PALLD: variants seen among roughly 807,000 people sequenced by gnomAD.
PALLD encodes the protein palladin, cytoskeletal associated protein.
A neutral mutation model predicts 123.5 loss-of-function variants in PALLD; 61 were observed. The ratio of observed to expected loss-of-function variants is 0.49; its 90% CI spans 0.40 to 0.61. The LOEUF (loss-of-function observed/expected upper bound fraction) is 0.61, where lower values mean the gene tolerates loss of function less well. Ranked by LOEUF, PALLD falls within the 20% of genes least tolerant of loss-of-function variation. The pLI is 0.00. For synonymous variants in PALLD, 465 were observed against 496.4 expected, an observed-to-expected ratio of 0.94 and a Z score of 0.84; for missense variants, 1,273 against 1,377.0, an observed-to-expected ratio of 0.92 and a Z score of 1.20.
chr4:168,506,908 G>T (rs1345848846), intron 1 of PALLD, among the ~76,000 whole-genome samples: 3 of 152,112 alleles, frequency 2.0e-5, no homozygotes, highest in Non-Finnish European at 4.4e-5. Context: ...TTCTTTCCCA[G>T]CTTCCACGAT....
Position 168,763,455 on chromosome 4 carries a change from C to G in PALLD, c.1964+51532C>G, listed in dbSNP as rs983019347. Among the ~76,000 whole-genome samples, 8 of 152,182 alleles carry G rather than the reference C, an allele frequency of 5.3e-5. 1 individual carries two copies. In the South Asian group the frequency reaches 1.7e-3, roughly 32 times the overall value. ...ACAGCCGTTCCACAGCCCCAAGCCT[C>G]ACATGGAGTAAGAGGTTGAGTAAGA... On this transcript the variant is annotated intron_variant, in intron 10 of 21. Coordinates refer to ENST00000505667, the MANE Select transcript of PALLD (RefSeq NM_001166108.2).
intron 2 of PALLD, among the ~76,000 whole-genome samples, chr4:168,526,204 G>A (rs969496151): frequency 5.9e-5 from 9 of 152,150 alleles, no homozygotes; most frequent in African/African-American, 1.7e-4. Context: ...AATTCGGAAC[G>A]TACTATTTGG....
chr4:168,809,334 CTTCTTCTTT>C (rs1561547479), intron 10 of PALLD, among the ~76,000 whole-genome samples: 1 of 68,588 alleles, frequency 1.5e-5, no homozygotes, highest in African/African-American at 4.2e-5. Context: ...TCTTCTTCTT[CTTCTTCTTT>C]TTTTTTTTGG....
chr4:168,823,291 G>C (rs182204815), intron 10 of PALLD, among the ~76,000 whole-genome samples: 12 of 152,260 alleles, frequency 7.9e-5, no homozygotes, highest in Admixed American at 7.2e-4. Context: ...TGGCCCCATC[G>C]ATTTTTACTG....
At position 168,667,357 on chromosome 4, in the gene PALLD, T is replaced by G. The variant is rs571958923; in HGVS notation, c.909-833T>G. Among the ~76,000 whole-genome samples, 805 of 109,674 alleles carry G rather than the reference T, an allele frequency of 7.3e-3. 12 individuals are homozygous for G. The highest frequency in any genetic ancestry group is 0.026 in the African/African-American group (739 of 28,506). The allele number at this position is 109,674 out of a possible 152,430, so 72.0% of individuals were successfully genotyped here. On this transcript the variant is annotated intron_variant, in intron 2 of 21. Transcript: ENST00000505667. The stretch of plus-strand genomic sequence containing the variant: ...TTCTAAGTGGCAGATTTCTACATAT[T>G]TCTTTAAAAATAAATCCCATTTGGG...
chr4:168,644,842 C>CCTATAT (rs1444831971), intron 2 of PALLD, among the ~76,000 whole-genome samples: 1 of 152,098 alleles, frequency 6.6e-6, no homozygotes, highest in African/African-American at 2.4e-5. Context: ...GTGGCTCACG[C>CCTATAT]CTATAATCCC....
intron 2 of PALLD, among the ~76,000 whole-genome samples, chr4:168,558,701 T>C (rs1767575691): frequency 6.6e-6 from 1 of 152,224 alleles, no homozygotes; most frequent in South Asian, 2.1e-4. Context: ...CCACCATGCT[T>C]GTGCTTCCAT....
At chr4:168,913,322 AGAG>A (rs1315456414) in intron 15 of PALLD, among the ~76,000 whole-genome samples, 2 of 151,938 alleles carry the variant, frequency 1.3e-5, no homozygotes, top group Non-Finnish European at 2.9e-5. Context: ...TTTTTTTAGT[AGAG>A]ACGGGGTTTC....
intron 17 of PALLD, among the ~76,000 whole-genome samples, chr4:168,917,909 T>C (rs943738203): frequency 1.3e-5 from 2 of 151,684 alleles, no homozygotes; most frequent in African/African-American, 4.8e-5. Context: ...CCGAGGAAAA[T>C]GAAATCAGAG....
rs1021936858 is a variant in PALLD, at chr4:168,642,996, G to A, written c.909-25194G>A. On this transcript the variant is annotated intron_variant, in intron 2 of 21. Coordinates refer to ENST00000505667, the MANE Select transcript of PALLD (RefSeq NM_001166108.2). ...TGGAGCTGGAAGGAAAGGGGTGTTT[G>A]GAGCCTTGTTAGAGACCAGCTGTAG... Among the ~76,000 whole-genome samples, 13 of 152,318 alleles carry A rather than the reference G, an allele frequency of 8.5e-5. No homozygotes were observed. In the Middle Eastern group the frequency reaches 0.01, roughly 120 times the overall value.
At chr4:168,642,203 A>T (rs1417723890) in intron 2 of PALLD, among the ~76,000 whole-genome samples, 1 of 152,132 alleles carries the variant, frequency 6.6e-6, no homozygotes, top group East Asian at 1.9e-4. Context: ...GGATTCTCTT[A>T]TGTGTGTTTT....
At chr4:168,803,891 C>T (rs928683648) in intron 10 of PALLD, among the ~76,000 whole-genome samples, 5 of 152,100 alleles carry the variant, frequency 3.3e-5, no homozygotes, top group African/African-American at 1.2e-4. Context: ...TAATTTACAC[C>T]CTGTGCTGGA....
intron 10 of PALLD, among the ~76,000 whole-genome samples, chr4:168,843,204 G>GT (rs1021313719): frequency 2.0e-5 from 3 of 152,160 alleles, no homozygotes; most frequent in African/African-American, 7.2e-5. Context: ...ATTTCAGGAG[G>GT]TAATACCCAT....
chr4:168,631,115 G>C (rs1399883398), intron 2 of PALLD, among the ~76,000 whole-genome samples: 1 of 152,202 alleles, frequency 6.6e-6, no homozygotes, highest in Non-Finnish European at 1.5e-5. Flanking sequence ...TTTCCTAGGG[G>C]CTTACTTGTA....
intron 10 of PALLD, among the ~76,000 whole-genome samples, chr4:168,777,433 G>A (rs140880489): frequency 2.0e-5 from 3 of 152,254 alleles, no homozygotes; most frequent in African/African-American, 4.8e-5. Context: ...TGGGGGAGAC[G>A]GGGTTTAGGA....
intron 2 of PALLD, among the ~76,000 whole-genome samples, chr4:168,547,268 TGTAAA>T (rs1190176433): frequency 6.6e-6 from 1 of 152,120 alleles, no homozygotes; most frequent in Non-Finnish European, 1.5e-5. Context: ...TTTCCCTGTT[TGTAAA>T]GTAGAAAAGC....
chr4:168,628,221 T>C (rs1775480156), intron 2 of PALLD, among the ~76,000 whole-genome samples: 1 of 152,214 alleles, frequency 6.6e-6, no homozygotes, highest in South Asian at 2.1e-4. Context: ...ATCAGTGGGA[T>C]TCTGATTGAA....
At chr4:168,896,527 A>G in intron 12 of PALLD, 22 bp from the exon 13 acceptor site, 2 of 1,381,060 alleles carry the variant, frequency 1.4e-6, no homozygotes, top group Non-Finnish European at 2.0e-6. Context: ...TAGTCTTCAC[A>G]TCTTTTTTTC....
At position 168,877,911 on chromosome 4, in the gene PALLD, G is replaced by A; in HGVS notation, c.1965-13011G>A. 2 of 1,479,556 alleles carry A rather than the reference G, an allele frequency of 1.4e-6. No individual in the cohort carries two copies. Among genetic ancestry groups the A allele is most frequent in the Admixed American group, 2.2e-5 (1 of 44,516 alleles). 91.7% of individuals were successfully genotyped at this position (1,479,556 alleles called of 1,614,324 possible). A position where few individuals can be genotyped will look rare whatever the true frequency, so the allele number is the denominator to read the frequency against. Reference sequence around the variant, plus strand: ...GAGCCCATGAGCGCGCTGGCCTCCCGCTCCGCCCCCGCCATGCAGTCCTCC... The same window carrying A: ...GAGCCCATGAGCGCGCTGGCCTCCCACTCCGCCCCCGCCATGCAGTCCTCC... On this transcript the variant is annotated intron_variant, in intron 10 of 21. Transcript: ENST00000505667.
Sources: gnomAD v4.1 joint callset for allele counts (sites outside exome capture counted in the v4.1 genomes callset) on GRCh38, gnomAD v4.1.1 for gene constraint, MANE v1.5 for transcripts, NCBI Gene and HGNC (gene_info 2026-07-23, HGNC 2026-07-21) for gene names.